TRHDE: variants seen among roughly 807,000 people sequenced by gnomAD.
TRHDE encodes thyrotropin releasing hormone degrading enzyme, also known as thyrotropin-releasing hormone-degrading ectoenzyme.
A neutral mutation model predicts 125.7 loss-of-function variants in TRHDE; 72 were observed. The observed-to-expected ratio is 0.57, with a 90% CI of 0.47 to 0.70. The LOEUF is 0.70. TRHDE is among the 30% of genes least tolerant of loss of function. The pLI is 0.00. For synonymous variants in TRHDE, 509 were observed against 509.1 expected (o/e 1.00, Z 0.00); for missense variants, 1,110 against 1,327.1 (o/e 0.84, Z 2.54).
chr12:72,653,180 A>G, intron 17 of TRHDE, 24 bp downstream of exon 17: 1 of 1,594,286 alleles, frequency 6.3e-7, no homozygotes, highest in Non-Finnish European at 8.6e-7. Flanking sequence ...TTCTTACTTG[A>G]ATGAGTAAAT....
intron 2 of TRHDE, among the ~76,000 whole-genome samples, chr12:72,320,042 G>T (rs1414950905): frequency 2.6e-5 from 4 of 151,966 alleles, no homozygotes; most frequent in Non-Finnish European, 5.9e-5. Context: ...GATTCTCCAG[G>T]TGAGGCTTGA....
At chr12:72,089,008 C>A (rs913969627) in intron 1 of TRHDE, among the ~76,000 whole-genome samples, 1 of 152,136 alleles carries the variant, frequency 6.6e-6, no homozygotes, top group Non-Finnish European at 1.5e-5. Flanking sequence ...TCAATATGTG[C>A]AAAAATTGAA....
rs200110690 is a variant in TRHDE at position 72,652,460 on chromosome 12, T to G, written c.2814T>G (p.Thr938=). 28 of 1,607,606 alleles carry G rather than the reference T, an allele frequency of 1.7e-5. No homozygotes were observed. Among genetic ancestry groups the G allele is most frequent in the Middle Eastern group, 1.7e-4 (1 of 6,050 alleles). The change falls in exon 16 of 19, where the codon ACT becomes ACG. Residue 938 remains threonine (T), a synonymous_variant. Transcript: ENST00000261180. ...SEKKILLEAL[T]CSDDRNLLNR... is the part of the protein sequence containing the mutation. ...AGAAAATATTATTGGAAGCCTTAAC[T>G]TGCAGTGATGACAGGAATTTATTAA...
rs577043021 is a variant in TRHDE, at chr12:72,667,867, T to G, written c.*4672T>G. 1 of 151,894 alleles carries G rather than the reference T, an allele frequency of 6.6e-6. No individual in the cohort carries two copies. Among genetic ancestry groups the G allele is most frequent in the South Asian group, 2.1e-4 (1 of 4,826 alleles). The allele number at this position is 151,894 out of a possible 1,614,324, so 9.4% of individuals were successfully genotyped here. Reference sequence around the variant, plus strand: ...AAGCTGTTTAAACAATTTAGTAGTATTAGTAAGTTGCAGGAATACTTTAAT... The same window carrying G: ...AAGCTGTTTAAACAATTTAGTAGTAGTAGTAAGTTGCAGGAATACTTTAAT... On this transcript the variant is annotated 3_prime_UTR_variant, in exon 19 of 19. Coordinates refer to ENST00000261180, the MANE Select transcript of TRHDE (RefSeq NM_013381.3).
At chr12:72,342,655 C>T (rs1268527591) in intron 2 of TRHDE, among the ~76,000 whole-genome samples, 1 of 152,076 alleles carries the variant, frequency 6.6e-6, no homozygotes, top group Non-Finnish European at 1.5e-5. Context: ...TAACTAGTAT[C>T]TTTGAGGAAG....
At chr12:72,264,446 T>C (rs963226713) in intron 2 of TRHDE, 1 of 152,006 alleles carries the variant, frequency 6.6e-6, no homozygotes, top group Non-Finnish European at 1.5e-5. Context: ...AACATTTTTC[T>C]TATGAAAAAA....
At chr12:72,241,177 A>G (rs1242783176) in intron 2 of TRHDE, among the ~76,000 whole-genome samples, 1 of 152,156 alleles carries the variant, frequency 6.6e-6, no homozygotes, top group Non-Finnish European at 1.5e-5. Flanking sequence ...TTAACATACA[A>G]GGACTTTTTT....
At chr12:72,582,590 G>A in intron 12 of TRHDE, 4 of 985,422 alleles carry the variant, frequency 4.1e-6, no homozygotes, top group Non-Finnish European at 3.6e-6. Context: ...AAAAGCAAGT[G>A]CACCCTGACC....
At chr12:72,360,970 A>G (rs1354260302) in intron 2 of TRHDE, among the ~76,000 whole-genome samples, 1 of 151,326 alleles carries the variant, frequency 6.6e-6, no homozygotes, top group Non-Finnish European at 1.5e-5. Context: ...ATTTATCCTG[A>G]TGCTCTCCCT....
At chr12:72,412,434 G>C (rs1470356020) in intron 3 of TRHDE, among the ~76,000 whole-genome samples, 5 of 152,022 alleles carry the variant, frequency 3.3e-5, no homozygotes, top group African/African-American at 1.2e-4. Flanking sequence ...CCAGTCACTG[G>C]GGAGGTTGTA....
intron 2 of TRHDE, among the ~76,000 whole-genome samples, chr12:72,146,992 A>C (rs910382057): frequency 2.1e-4 from 32 of 152,272 alleles, no homozygotes; most frequent in African/African-American, 6.0e-4. Flanking sequence ...ACTCTTCTCC[A>C]ACGGCCCTGG....
chr12:72,517,481 G>C (rs1419015326), intron 6 of TRHDE, among the ~76,000 whole-genome samples: 1 of 151,906 alleles, frequency 6.6e-6, no homozygotes, highest in Non-Finnish European at 1.5e-5. Context: ...CTGTGGGATC[G>C]GTGGTGATAT....
At chr12:72,617,719 C>A (rs1872878898) in intron 12 of TRHDE, among the ~76,000 whole-genome samples, 2 of 152,114 alleles carry the variant, frequency 1.3e-5, no homozygotes, top group Non-Finnish European at 2.9e-5. Flanking sequence ...TTTCTGGAGG[C>A]CGGGGAGTCC....
intron 2 of TRHDE, among the ~76,000 whole-genome samples, chr12:72,293,133 C>T (rs942106754): frequency 6.6e-6 from 1 of 151,274 alleles, no homozygotes; most frequent in African/African-American, 2.4e-5. Flanking sequence ...TACCAATGGT[C>T]TCTCTGAGTG....
chr12:72,251,794 G>A (rs921041587), intron 2 of TRHDE, among the ~76,000 whole-genome samples: 1 of 152,038 alleles, frequency 6.6e-6, no homozygotes, highest in Non-Finnish European at 1.5e-5. Flanking sequence ...CAATGCATGA[G>A]TGATTCGATT....
At chr12:72,572,273 T>A (rs928153823) in intron 10 of TRHDE, among the ~76,000 whole-genome samples, 2 of 152,278 alleles carry the variant, frequency 1.3e-5, no homozygotes, top group African/African-American at 4.8e-5. Context: ...TAATCTCTTT[T>A]CCCTTTTTAT....
intron 9 of TRHDE, 106 bp from the exon 10 acceptor site, chr12:72,568,462 C>T (rs1055935232): frequency 4.7e-5 from 32 of 683,608 alleles, no homozygotes; most frequent in Middle Eastern, 4.3e-4. Flanking sequence ...TTTTAGTTCA[C>T]CTAATGAGAG....
chr12:72,570,760 C>T (rs1565794427), intron 10 of TRHDE, among the ~76,000 whole-genome samples: 1 of 152,054 alleles, frequency 6.6e-6, no homozygotes, highest in Non-Finnish European at 1.5e-5. Context: ...TATGTGTGGT[C>T]CTAATATACA....
intron 18 of TRHDE, 103 bp downstream of exon 18, chr12:72,657,111 T>C: frequency 1.4e-6 from 1 of 738,342 alleles, no homozygotes; most frequent in African/African-American, 1.8e-5. Flanking sequence ...TCCATTCCTT[T>C]TACTTACACA....
Sources: gnomAD v4.1 joint callset for allele counts (sites outside exome capture counted in the v4.1 genomes callset) on GRCh38, gnomAD v4.1.1 for gene constraint, MANE v1.5 for transcripts, NCBI Gene and HGNC (gene_info 2026-07-23, HGNC 2026-07-21) for gene names.